Variants in SLC39A11 observed in about 807,000 individuals in gnomAD.
SLC39A11 encodes zinc transporter ZIP11.
A neutral mutation model predicts 36.1 loss-of-function variants in SLC39A11; 33 were observed. The observed-to-expected ratio is 0.91, with a 90% CI of 0.69 to 1.22. The LOEUF (loss-of-function observed/expected upper bound fraction) is 1.22. Ranked by LOEUF, SLC39A11 falls within the 50% of genes most tolerant of loss-of-function variation. The pLI is 0.00. For synonymous variants in SLC39A11, 166 were observed against 170.3 expected (o/e 0.97, Z 0.20); for missense variants, 432 against 430.3 (o/e 1.00, Z -0.03).
At chr17:72,953,674 G>C (rs1273254146) in intron 4 of SLC39A11, among the ~76,000 whole-genome samples, 1 of 152,206 alleles carries the variant, frequency 6.6e-6, no homozygotes, top group Non-Finnish European at 1.5e-5. Flanking sequence ...AAAGCACGTT[G>C]GGTGTCATAG....
At chr17:72,767,069 C>A (rs555326856) in intron 6 of SLC39A11, among the ~76,000 whole-genome samples, 3 of 152,320 alleles carry the variant, frequency 2.0e-5, no homozygotes, top group African/African-American at 4.8e-5. Context: ...AATAAATATT[C>A]TTTGTCCATA....
At chr17:72,656,800 T>C (rs116666964) in intron 7 of SLC39A11, among the ~76,000 whole-genome samples, 270 of 152,240 alleles carry the variant, frequency 1.8e-3, no homozygotes, top group African/African-American at 6.4e-3. Flanking sequence ...GGAATCAGGG[T>C]TTATTTTTAA....
chr17:73,068,096 G>A (rs1033201964), intron 3 of SLC39A11: 6 of 1,425,614 alleles, frequency 4.2e-6, no homozygotes. Flanking sequence ...CATAATAGGA[G>A]TATCTCCCAC....
At chr17:72,800,630 C>G (rs1185882341) in intron 6 of SLC39A11, among the ~76,000 whole-genome samples, 1 of 152,094 alleles carries the variant, frequency 6.6e-6, no homozygotes, top group Non-Finnish European at 1.5e-5. Context: ...AATTTTAAAG[C>G]AGCCAAGAGA....
chr17:72,827,744 T>A (rs141863432), intron 6 of SLC39A11, among the ~76,000 whole-genome samples: 11 of 152,190 alleles, frequency 7.2e-5, no homozygotes, highest in African/African-American at 2.7e-4. Context: ...TGTCTTTAAA[T>A]GCACTGAAGA....
intron 7 of SLC39A11, among the ~76,000 whole-genome samples, chr17:72,707,528 G>A (rs2072941982): frequency 6.6e-6 from 1 of 152,208 alleles, no homozygotes; most frequent in African/African-American, 2.4e-5. Flanking sequence ...GGGAGACACT[G>A]GTGGTACTGC....
chr17:73,033,210 G>C (rs151235213), intron 3 of SLC39A11, among the ~76,000 whole-genome samples: 23 of 152,324 alleles, frequency 1.5e-4, no homozygotes, highest in African/African-American at 5.3e-4. Flanking sequence ...TCACTTGTCC[G>C]CTGCTCACCT....
intron 6 of SLC39A11, among the ~76,000 whole-genome samples, chr17:72,804,395 C>G (rs2077187448): frequency 6.6e-6 from 1 of 152,084 alleles, no homozygotes; most frequent in Admixed American, 6.5e-5. Flanking sequence ...AGCACACATC[C>G]CTCTTCCCTC....
chr17:72,960,657 T>TTA (rs1568026159), intron 4 of SLC39A11, among the ~76,000 whole-genome samples: 6,450 of 151,706 alleles, frequency 0.043, 480 homozygotes, highest in African/African-American at 0.14. Context: ...AAATTAAATT[T>TTA]AATTAAATTA....
At chr17:73,000,384 C>A (rs546105281) in intron 4 of SLC39A11, among the ~76,000 whole-genome samples, 2 of 152,160 alleles carry the variant, frequency 1.3e-5, no homozygotes, top group East Asian at 3.9e-4. Flanking sequence ...TCCTCTCTCT[C>A]TCTCTGATGC....
intron 6 of SLC39A11, among the ~76,000 whole-genome samples, chr17:72,770,415 A>T (rs1346143328): frequency 5.3e-5 from 8 of 152,214 alleles, no homozygotes. Flanking sequence ...GGCCCATTCC[A>T]GTGGGATGTG....
At chr17:72,744,628 T>C (rs8064342) in intron 6 of SLC39A11, among the ~76,000 whole-genome samples, 41,973 of 152,010 alleles carry the variant, frequency 0.28, 6,967 homozygotes, top group African/African-American at 0.47. Context: ...GCCGCAGATT[T>C]GGTGTCTGGT....
chr17:72,696,712 C>T (rs2072320019), intron 7 of SLC39A11, among the ~76,000 whole-genome samples: 1 of 152,232 alleles, frequency 6.6e-6, no homozygotes, highest in South Asian at 2.1e-4. Flanking sequence ...ACCTACTCAC[C>T]TGTTTTTAGC....
chr17:72,906,462 A>G (rs940017019), intron 5 of SLC39A11, among the ~76,000 whole-genome samples: 2 of 152,228 alleles, frequency 1.3e-5, no homozygotes, highest in Admixed American at 1.3e-4. Flanking sequence ...GTCTGTGCAC[A>G]CAGTTGGAAA....
At chr17:72,753,118 A>G (rs975482409) in intron 6 of SLC39A11, among the ~76,000 whole-genome samples, 1 of 152,174 alleles carries the variant, frequency 6.6e-6, no homozygotes, top group African/African-American at 2.4e-5. Flanking sequence ...TCGGTCTCCC[A>G]AAGTGCTGGG....
At chr17:72,667,406 C>A (rs891893862) in intron 7 of SLC39A11, among the ~76,000 whole-genome samples, 1 of 152,232 alleles carries the variant, frequency 6.6e-6, no homozygotes, top group African/African-American at 2.4e-5. Context: ...AAAGAGAAAT[C>A]TTTTCCTTCC....
At chr17:72,694,634 C>T (rs887916670) in intron 7 of SLC39A11, among the ~76,000 whole-genome samples, 7 of 152,202 alleles carry the variant, frequency 4.6e-5, no homozygotes, top group South Asian at 2.1e-4. Flanking sequence ...GAATGGTGGC[C>T]AGAAGATGAC....
intron 6 of SLC39A11, among the ~76,000 whole-genome samples, chr17:72,847,231 C>T (rs960422024): frequency 3.3e-5 from 5 of 151,976 alleles, no homozygotes; most frequent in Non-Finnish European, 7.4e-5. Flanking sequence ...GGTGAAACCC[C>T]GTCTCTTCGA....
At chr17:72,685,451 G>A (rs2071704651) in intron 7 of SLC39A11, among the ~76,000 whole-genome samples, 1 of 48,374 alleles carries the variant, frequency 2.1e-5, no homozygotes, top group African/African-American at 1.9e-4. Flanking sequence ...CAGGATCTTT[G>A]TGTGTTCAAG....
Sources: gnomAD v4.1 joint callset for allele counts (sites outside exome capture counted in the v4.1 genomes callset) on GRCh38, gnomAD v4.1.1 for gene constraint, MANE v1.5 for transcripts, NCBI Gene and HGNC (gene_info 2026-07-23, HGNC 2026-07-21) for gene names.